The following HNRNPU variants were observed in gnomAD, a reference collection of about 807,000 sequenced individuals.
HNRNPU encodes HNRNPU antisense RNA 1.
A neutral mutation model predicts 94.7 loss-of-function variants in HNRNPU; 5 were observed. The observed-to-expected ratio is 0.05, with a 90% CI of 0.03 to 0.11. The LOEUF (loss-of-function observed/expected upper bound fraction) is 0.11, where lower values mean the gene tolerates loss of function less well. Among genes scored for constraint, HNRNPU ranks in the 10% least tolerant of loss-of-function variants. HNRNPU has a pLI of 1.00. For synonymous variants in HNRNPU, 434 were observed against 381.6 expected, an observed-to-expected ratio of 1.14 and a Z score of -1.60; for missense variants, 710 against 1,049.2, an observed-to-expected ratio of 0.68 and a Z score of 4.47.
rs1240447811 is a variant in HNRNPU at position 244,858,181 on chromosome 1, G to A, written c.1324C>T (p.Arg442Trp). ...FKISKEVLAG[R>W]PLFPHVLCHN... ...CAGAGAACATGCGGGAACAGTGGCC[G>A]TCCAGCAAGAACTTCCTTACTGATT... The change falls in exon 7 of 14, where the codon CGG (arginine) becomes TGG (tryptophan). Residue 442 changes from arginine (R) to tryptophan (W), a missense_variant. Arg to Trp is a moderately radical substitution (Grantham distance 101, BLOSUM62 -3). This residue lies in a region of HNRNPU where 150 missense variants were observed against 187.9 expected (regional missense o/e 0.80). Transcript: ENST00000640218. 15 of 1,613,940 alleles carry A rather than the reference G, an allele frequency of 9.3e-6. No homozygotes were observed. Among genetic ancestry groups the A allele is most frequent in the Middle Eastern group, 3.3e-4 (2 of 6,084 alleles).
intron 12 of HNRNPU, 131 bp downstream of exon 12, chr1:244,855,293 A>G: frequency 1.1e-6 from 1 of 891,136 alleles, no homozygotes. Flanking sequence ...CACCATTACT[A>G]GTTCAATTTT....
rs1680933707 is a variant in HNRNPU at position 244,864,065 on chromosome 1, G to A, written c.243C>T (p.Gly81=). 6.2e-6 allele frequency: 10 copies of A among 1,601,742 alleles called. No homozygotes were observed. The East Asian group carries it at 1.8e-4, about 29-fold the overall frequency. Residue 81 remains glycine, a synonymous_variant, in exon 1 of 14, where the codon GGC becomes GGT. Transcript: ENST00000640218. ...CCTCTTCCTCCTCCTCTTCATCGCC[G>A]CCGGCCGCGGCCTCCTGCTCGAGGC... ...GAGLEQEAAA[G]GDEEEEEEEE... is the part of the protein sequence containing the mutation.
rs1321850330 is a variant in HNRNPU at position 244,855,803 on chromosome 1, G to A, written c.2167+101C>T. ...CATGAATACTTTAGTTACTGTGACA[G>A]TATACCATTAATGAGGAAGAAACTT... On this transcript the variant is annotated intron_variant, in intron 11 of 13. Coordinates refer to ENST00000640218, the MANE Select transcript of HNRNPU (RefSeq NM_031844.3). The A allele has an allele frequency of 1.7e-5, 23 of 1,384,558 alleles. No homozygotes were observed. The Admixed American group carries it at 4.5e-4, about 27-fold the overall frequency. The allele number at this position is 1,384,558 out of a possible 1,614,324, so 85.8% of individuals were successfully genotyped here. A position where few individuals can be genotyped will look rare whatever the true frequency, so the allele number is the denominator to read the frequency against.
chr1:244,864,392 C>A lies in HNRNPU; in HGVS notation c.-85G>T. On this transcript the variant is annotated 5_prime_UTR_variant, in exon 1 of 14. Coordinates refer to ENST00000640218, the MANE Select transcript of HNRNPU (RefSeq NM_031844.3). The stretch of plus-strand genomic sequence containing the variant: ...ACTGGTGGCGGCTGCTGCGGCTGCT[C>A]CTCGGCCCGGGCGGCGGCTGCGGCT... 6.3e-7 allele frequency: 1 copy of A among 1,580,680 alleles called. No homozygotes were observed. Among genetic ancestry groups the A allele is most frequent in the Non-Finnish European group, 8.6e-7 (1 of 1,168,682 alleles).
chr1:244,860,516 G>A (rs975726897), intron 3 of HNRNPU, 42 bp from the exon 4 acceptor site: 1 of 1,521,288 alleles, frequency 6.6e-7, no homozygotes, highest in Non-Finnish European at 9.1e-7. Context: ...GACATCCAAT[G>A]TAAACATATC....
At chr1:244,862,767 T>A (rs754130645) in intron 1 of HNRNPU, 37 bp from the exon 2 acceptor site, 2 of 1,502,272 alleles carry the variant, frequency 1.3e-6, no homozygotes, top group Non-Finnish European at 1.8e-6. Context: ...GCCAAGCCTC[T>A]AAACAACAAA....
Position 244,857,591 on chromosome 1 carries a change from T to C in HNRNPU, c.1614+7A>G, listed in dbSNP as rs1359131241. The C allele has an allele frequency of 5.0e-6, 8 of 1,612,354 alleles. No homozygotes were observed. Among genetic ancestry groups the C allele is most frequent in the African/African-American group, 1.3e-5 (1 of 74,818 alleles). On this transcript the variant is annotated splice_region_variant and intron_variant, in intron 8 of 13. Coordinates refer to ENST00000640218, the MANE Select transcript of HNRNPU (RefSeq NM_031844.3). The stretch of plus-strand genomic sequence containing the variant: ...CACTGAGATCAGGCCCTAAACATTT[T>C]ACTTACCATCATCTTATCCATAATA...
intron 4 of HNRNPU, 152 bp downstream of exon 4, chr1:244,860,183 C>T (rs1286886217): frequency 1.0e-5 from 6 of 595,688 alleles, no homozygotes; most frequent in Admixed American, 3.4e-5. Flanking sequence ...GCCTCTAGTC[C>T]GAGCTACTTG....
rs1680566296 is a variant in HNRNPU at position 244,852,240 on chromosome 1, C to A, written c.*2210G>T. ...GTTATTTCTGCCATACAAGTGTAGACAATTGTATTAATTCTAGTCTTGACT... is the reference window on the plus strand; with the variant it reads ...GTTATTTCTGCCATACAAGTGTAGAAAATTGTATTAATTCTAGTCTTGACT... On this transcript the variant is annotated 3_prime_UTR_variant, in exon 14 of 14. Coordinates refer to ENST00000640218, the MANE Select transcript of HNRNPU (RefSeq NM_031844.3). 1.3e-5 allele frequency: 2 copies of A among 152,154 alleles called. No homozygotes were observed. Among genetic ancestry groups the A allele is most frequent in the African/African-American group, 2.4e-5 (1 of 41,426 alleles). 9.4% of individuals were successfully genotyped at this position (152,154 alleles called of 1,614,324 possible). A position where few individuals can be genotyped will look rare whatever the true frequency, so the allele number is the denominator to read the frequency against.
At position 244,856,062 on chromosome 1, in the gene HNRNPU, T is replaced by C. The variant is rs937095421; in HGVS notation, c.2009A>G (p.Lys670Arg). Residue 670 changes from lysine (K) to arginine (R), a missense_variant, in exon 11 of 14, where the codon AAG (lysine) becomes AGG (arginine). By Grantham distance (26) the Lys-to-Arg change is conservative. This residue lies in a region of HNRNPU where 152 missense variants were observed against 238.9 expected (regional missense o/e 0.64). Coordinates refer to ENST00000640218, the MANE Select transcript of HNRNPU (RefSeq NM_031844.3). ...EEAQKLLEQY[K>R]EESKKALPPE... Reference sequence around the variant, plus strand: ...TGGAAGAGCCTTTTTGCTTTCTTCCTTATATTGCTCCAAGAGTTTTTGGGC... The same window carrying C: ...TGGAAGAGCCTTTTTGCTTTCTTCCCTATATTGCTCCAAGAGTTTTTGGGC... 3 of 1,614,118 alleles carry C rather than the reference T, an allele frequency of 1.9e-6. No homozygotes were observed. In the Admixed American group the frequency reaches 5.0e-5, roughly 27 times the overall value.
intron 4 of HNRNPU, 92 bp from the exon 5 acceptor site, chr1:244,859,466 C>T: frequency 3.1e-6 from 2 of 644,740 alleles, no homozygotes; most frequent in South Asian, 1.8e-5. Flanking sequence ...GGCTAATCTT[C>T]CTCTAGCTAT....
chr1:244,858,924 A>G (rs1680752742), intron 5 of HNRNPU, 83 bp from the exon 6 acceptor site: 1 of 690,840 alleles, frequency 1.4e-6, no homozygotes, highest in Admixed American at 2.7e-5. Flanking sequence ...GATGTAGGCT[A>G]CAAGAGAAAT....
In HNRNPU at chr1:244,851,330, T is replaced by G. The variant is rs930912849; in HGVS notation, c.*3120A>C. 1.3e-5 allele frequency: 2 copies of G among 152,348 alleles called. No individual in the cohort carries two copies. Among genetic ancestry groups the G allele is most frequent in the Middle Eastern group, 3.4e-3 (1 of 294 alleles). The allele number at this position is 152,348 out of a possible 1,614,324, so 9.4% of individuals were successfully genotyped here. On this transcript the variant is annotated 3_prime_UTR_variant, in exon 14 of 14. Transcript: ENST00000640218. ...TCTACACCACTGCCTAAGAAGCTAT[T>G]AAAATATTTGTATTTGTGCAATGGA...
intron 5 of HNRNPU, 180 bp from the exon 6 acceptor site, chr1:244,859,021 G>A (rs569651161): frequency 2.3e-4 from 137 of 587,134 alleles, no homozygotes; most frequent in African/African-American, 2.1e-4. Context: ...GGATATATAC[G>A]CAGAGACCAA....
chr1:244,863,986 C>T lies in HNRNPU; in HGVS notation c.322G>A (p.Glu108Lys). The change falls in exon 1 of 14, where the codon GAG (glutamate) becomes AAG (lysine). Residue 108 changes from glutamate to lysine, a missense_variant. Glu to Lys is a moderately conservative substitution (Grantham distance 56, BLOSUM62 1). Transcript: ENST00000640218. The part of the protein sequence containing the change: ...ALDGDQMELG[E>K]ENGAAGAADS... ...GCCGCCCCCGCGGCCCCGTTCTCCT[C>T]TCCTAGCTCCATCTGGTCGCCGTCC... 6.2e-7 allele frequency: 1 copy of T among 1,613,790 alleles called. No individual in the cohort carries two copies. The highest frequency in any genetic ancestry group is 2.2e-5 in the East Asian group (1 of 44,850).
At chr1:244,858,646 T>C (rs1680743297) in intron 6 of HNRNPU, 83 bp downstream of exon 6, 1 of 740,638 alleles carries the variant, frequency 1.4e-6, no homozygotes, top group Non-Finnish European at 2.4e-6. Flanking sequence ...TATTGAAAAC[T>C]GACCTCAGTA....
In HNRNPU at chr1:244,854,305, A is replaced by G. The variant is rs1227768646; in HGVS notation, c.*145T>C. 16 of 654,536 alleles carry G rather than the reference A, an allele frequency of 2.4e-5. No homozygotes were observed. The highest frequency in any genetic ancestry group is 3.3e-5 in the Non-Finnish European group (12 of 365,354). The allele number at this position is 654,536 out of a possible 1,614,324, so 40.5% of individuals were successfully genotyped here. On this transcript the variant is annotated 3_prime_UTR_variant, in exon 14 of 14. Transcript: ENST00000640218. ...AAAATGTACAAAAAAGAAAAGAAAA[A>G]AAATCAACCCACAAAGCTTCTAAAA...
intron 3 of HNRNPU, 195 bp from the exon 4 acceptor site, chr1:244,860,669 AAAAGT>A (rs1193448038): frequency 1.7e-6 from 1 of 587,870 alleles, no homozygotes. Context: ...TTATGTACTG[AAAAGT>A]AAACTGCCTG....
Position 244,858,450 on chromosome 1 carries a change from C to T in HNRNPU, c.1231-176G>A, listed in dbSNP as rs111914703. On this transcript the variant is annotated intron_variant, in intron 6 of 13. Transcript: ENST00000640218. ...TCTGATGGTTGTAAACCATGAAGCA[C>T]GTATCTCCAGAACCAGAAACAATAC... 1.3e-4 allele frequency: 80 copies of T among 629,062 alleles called. 3 individuals carry two copies. Among genetic ancestry groups the T allele is most frequent in the African/African-American group, 8.6e-4 (47 of 54,414 alleles). The allele number at this position is 629,062 out of a possible 1,614,324, so 39.0% of individuals were successfully genotyped here. A position where few individuals can be genotyped will look rare whatever the true frequency, so the allele number is the denominator to read the frequency against.
Sources: allele counts gnomAD v4.1 joint callset, GRCh38; gene constraint gnomAD v4.1.1; regional missense constraint gnomAD v4.1.1; transcripts MANE v1.5; gene names NCBI Gene and HGNC (gene_info 2026-07-23, HGNC 2026-07-21).